Variants in PKD1L1 observed in about 807,000 individuals in gnomAD.
PKD1L1 encodes polycystin-1-like protein 1.
In PKD1L1, 236 loss-of-function variants were observed where a neutral mutation model predicts 323.4. That is an observed-to-expected ratio of 0.73 (90% CI 0.66 to 0.81). PKD1L1 has a LOEUF of 0.81. Ranked by LOEUF, PKD1L1 falls within the 40% of genes least tolerant of loss-of-function variation. The pLI is 0.00. For synonymous variants in PKD1L1, 1,344 were observed against 1,335.0 expected (o/e 1.01, Z -0.15); for missense variants, 3,320 against 3,508.0 (o/e 0.95, Z 1.35).
chr7:47,845,059 A>G lies in PKD1L1; in HGVS notation c.5173T>C (p.Phe1725Leu), dbSNP rs1186194711. ...TTCAGCTTTCTCCTTAGGAGAGCGA[A>G]TGCCGCGAGGCGATGGTAGCTAGGA... is the stretch of plus-strand genomic sequence containing the variant. The part of the protein sequence containing the change: ...VNCSYHRLAA[F>L]ALLRRKLKAS... The change falls in exon 33 of 57, where the codon TTC (phenylalanine) becomes CTC (leucine). Residue 1725 changes from phenylalanine to leucine, a missense_variant. Transcript: ENST00000289672. The G allele has an allele frequency of 6.2e-7, 1 of 1,613,972 alleles. No homozygotes were observed.
intron 6 of PKD1L1, among the ~76,000 whole-genome samples, chr7:47,930,581 C>T (rs978363263): frequency 3.3e-5 from 5 of 151,204 alleles, no homozygotes; most frequent in South Asian, 2.1e-4. Flanking sequence ...CTTTGGGAGG[C>T]CGAGGCGGGT....
Position 47,891,301 on chromosome 7 carries a change from A to G in PKD1L1, c.2454-538T>C, listed in dbSNP as rs149344106. On this transcript the variant is annotated intron_variant, in intron 15 of 56. Transcript: ENST00000289672. ...CTCCCAGTCTCACAGTCTTTCTGCAATATAACAATTGCCACACCCAACAAG... is the reference window on the plus strand; with the variant it reads ...CTCCCAGTCTCACAGTCTTTCTGCAGTATAACAATTGCCACACCCAACAAG... 7.9e-5 allele frequency among the ~76,000 whole-genome samples: 12 copies of G among 152,318 alleles called. No homozygotes were observed. In the East Asian group the frequency reaches 2.3e-3, roughly 29 times the overall value.
chr7:47,783,714 C>T (rs1306603917), intron 56 of PKD1L1, among the ~76,000 whole-genome samples: 1 of 152,204 alleles, frequency 6.6e-6, no homozygotes, highest in East Asian at 1.9e-4. Flanking sequence ...TGGAACAGAT[C>T]CTTCACCAGG....
At chr7:47,864,977 C>T (rs1000217859) in intron 26 of PKD1L1, among the ~76,000 whole-genome samples, 2 of 152,044 alleles carry the variant, frequency 1.3e-5, no homozygotes, top group Admixed American at 6.6e-5. Flanking sequence ...CCGCCCGCCT[C>T]GGCCTCCCAA....
At chr7:47,915,654 G>C (rs968231438) in intron 7 of PKD1L1, 55 bp from the exon 8 acceptor site, 1 of 1,098,246 alleles carries the variant, frequency 9.1e-7, no homozygotes, top group Non-Finnish European at 1.3e-6. Context: ...ATAAACTAGG[G>C]GAAAATGTGG....
At chr7:47,886,826 T>C (rs540215506) in intron 17 of PKD1L1, among the ~76,000 whole-genome samples, 4 of 152,186 alleles carry the variant, frequency 2.6e-5, no homozygotes, top group South Asian at 2.1e-4. Flanking sequence ...TATTCCTTTA[T>C]AGCAGTGCAA....
chr7:47,901,011 AT>A (rs1787074408), intron 13 of PKD1L1, among the ~76,000 whole-genome samples: 1 of 152,134 alleles, frequency 6.6e-6, no homozygotes, highest in Admixed American at 6.5e-5. Context: ...AGATGATTTC[AT>A]TTTTTTCTTT....
chr7:47,804,350 A>T (rs534826999), intron 52 of PKD1L1, among the ~76,000 whole-genome samples: 153 of 152,360 alleles, frequency 1.0e-3, no homozygotes, highest in African/African-American at 3.6e-3. Flanking sequence ...GTATAATTAA[A>T]CAGAGTAAAT....
chr7:47,959,420 C>T, the PKD1L1 span, among the ~76,000 whole-genome samples: 2 of 148,414 alleles, frequency 1.3e-5, no homozygotes, highest in African/African-American at 2.5e-5. Flanking sequence ...AAGTGAGGAG[C>T]GTCTCTGCCC....
intron 53 of PKD1L1, among the ~76,000 whole-genome samples, chr7:47,802,018 C>T (rs909980312): frequency 1.3e-5 from 2 of 151,844 alleles, no homozygotes; most frequent in Admixed American, 1.3e-4. Context: ...GGTGAAACAC[C>T]GTCTCTACTA....
chr7:47,831,482 T>A, intron 41 of PKD1L1, 130 bp from the exon 42 acceptor site: 1 of 1,266,608 alleles, frequency 7.9e-7, no homozygotes, highest in Non-Finnish European at 1.1e-6. Flanking sequence ...TGGTTAAATG[T>A]GATTTTTGAG....
chr7:47,949,699 A>C (rs921162507), upstream of PKD1L1, among the ~76,000 whole-genome samples: 1 of 152,192 alleles, frequency 6.6e-6, no homozygotes, highest in Non-Finnish European at 1.5e-5. Context: ...AGAACACTAG[A>C]TATTTTTTCT....
Position 47,904,332 on chromosome 7 carries a change from C to T in PKD1L1, c.1931+46G>A. On this transcript the variant is annotated intron_variant, in intron 12 of 56. Transcript: ENST00000289672. ...GGGCTGATGCCTTAAGACTCTGATTCCCGCGCTGTCTGTAGAGAGCACTCC... is the reference window on the plus strand; with the variant it reads ...GGGCTGATGCCTTAAGACTCTGATTTCCGCGCTGTCTGTAGAGAGCACTCC... 4 of 1,610,914 alleles carry T rather than the reference C, an allele frequency of 2.5e-6. No individual in the cohort carries two copies. The Admixed American group carries it at 6.7e-5, about 27-fold the overall frequency.
intron 13 of PKD1L1, among the ~76,000 whole-genome samples, chr7:47,901,335 A>C (rs1418913214): frequency 6.8e-6 from 1 of 148,036 alleles, no homozygotes; most frequent in African/African-American, 2.6e-5. Context: ...CTCAAAAAAA[A>C]AAAAAAAAAA....
chr7:47,924,798 A>G lies in PKD1L1; in HGVS notation c.1060+4406T>C, dbSNP rs539243264. ...TCAGTCATGCTAGATCACTCTTATT[A>G]CTTATAATTCTACAAAAGCAGTTCA... On this transcript the variant is annotated intron_variant, in intron 7 of 56. Transcript: ENST00000289672. Among the ~76,000 whole-genome samples the G allele has an allele frequency of 5.3e-5, 8 of 152,340 alleles. 1 individual carries two copies. In the South Asian group the frequency reaches 1.7e-3, roughly 32 times the overall value.
intron 46 of PKD1L1, chr7:47,818,297 C>A: frequency 2.3e-6 from 2 of 875,952 alleles, no homozygotes; most frequent in Non-Finnish European, 3.0e-6. Context: ...AGGAAAGAGG[C>A]AAAGGATGGC....
chr7:47,829,861 T>C (rs922134442), intron 43 of PKD1L1, among the ~76,000 whole-genome samples, 179 bp downstream of exon 43: 3 of 152,162 alleles, frequency 2.0e-5, no homozygotes, highest in African/African-American at 7.2e-5. Flanking sequence ...TTTATGAGGA[T>C]TAAAGAACAG....
chr7:47,934,201 C>G (rs922576229), intron 4 of PKD1L1, among the ~76,000 whole-genome samples: 2 of 152,248 alleles, frequency 1.3e-5, no homozygotes, highest in African/African-American at 2.4e-5. Context: ...ATGGGAAATA[C>G]TACGGAAAAT....
At chr7:47,866,679 C>T in intron 24 of PKD1L1, 65 bp from the exon 25 acceptor site, 2 of 1,377,940 alleles carry the variant, frequency 1.5e-6, no homozygotes, top group Non-Finnish European at 2.0e-6. Context: ...ACCCTGACTA[C>T]CAAGAGTGGG....
Sources: allele counts gnomAD v4.1 joint callset (sites outside exome capture counted in the v4.1 genomes callset), GRCh38; gene constraint gnomAD v4.1.1; transcripts MANE v1.5; gene names NCBI Gene and HGNC (gene_info 2026-07-23, HGNC 2026-07-21).